The following PLEKHM2 variants were observed in gnomAD, a reference collection of about 807,000 sequenced individuals.
PLEKHM2 encodes the protein pleckstrin homology and RUN domain containing M2, also known as pleckstrin homology domain-containing family M member 2.
A neutral mutation model predicts 116.3 loss-of-function variants in PLEKHM2; 77 were observed. The observed-to-expected ratio is 0.66, with a 90% CI of 0.55 to 0.80. The LOEUF (loss-of-function observed/expected upper bound fraction) is 0.80. Ranked by LOEUF, PLEKHM2 falls within the 30% of genes least tolerant of loss-of-function variation. PLEKHM2 has a pLI of 0.00. For missense variants in PLEKHM2, 1,183 were observed against 1,354.9 expected (o/e 0.87, Z 1.99); for synonymous variants, 562 against 571.0 (o/e 0.98, Z 0.22).
At position 15,728,951 on chromosome 1, in the gene PLEKHM2, C is replaced by A; in HGVS notation, c.1987-151C>A. 1.2e-6 allele frequency: 1 copy of A among 802,764 alleles called. No homozygotes were observed. Among genetic ancestry groups the A allele is most frequent in the Non-Finnish European group, 2.0e-6 (1 of 489,904 alleles). 49.7% of individuals were successfully genotyped at this position (802,764 alleles called of 1,614,324 possible). A position where few individuals can be genotyped will look rare whatever the true frequency, so the allele number is the denominator to read the frequency against. On this transcript the variant is annotated intron_variant, in intron 12 of 19. Coordinates refer to ENST00000375799, the MANE Select transcript of PLEKHM2 (RefSeq NM_015164.4). This position sits in a 1 kb window ranked among gnomAD's most constrained non-coding sequence, Gnocchi z 5.9. Reference sequence around the variant, plus strand: ...TAGACTTCTGACCGTCCCTCCCTCACTCATGCCAGCCCCTGGCCTCTGGGG... The same window carrying A: ...TAGACTTCTGACCGTCCCTCCCTCAATCATGCCAGCCCCTGGCCTCTGGGG...
intron 1 of PLEKHM2, 30 bp from the exon 2 acceptor site, chr1:15,716,207 C>G: frequency 8.4e-6 from 11 of 1,313,532 alleles, no homozygotes; most frequent in Non-Finnish European, 1.2e-5. Context: ...TAATCCATTT[C>G]TGATTTGGAG....
intron 1 of PLEKHM2, among the ~76,000 whole-genome samples, chr1:15,698,549 CTTTT>C (rs564918055): frequency 9.0e-5 from 10 of 111,206 alleles, no homozygotes; most frequent in Non-Finnish European, 1.4e-4. Flanking sequence ...TTCTTTCTTT[CTTTT>C]TTTTTTTTTT....
intron 1 of PLEKHM2, among the ~76,000 whole-genome samples, chr1:15,704,934 T>C (rs1641191453): frequency 1.3e-5 from 2 of 152,186 alleles, no homozygotes; most frequent in African/African-American, 4.8e-5. Flanking sequence ...AGTGTTACAG[T>C]GCTGCTTCTT....
intron 16 of PLEKHM2, 99 bp from the exon 17 acceptor site, chr1:15,731,790 G>A: frequency 2.0e-6 from 2 of 1,023,410 alleles, no homozygotes. Context: ...AGACGGTGGG[G>A]CAGACCCTGT....
intron 1 of PLEKHM2, among the ~76,000 whole-genome samples, chr1:15,691,735 C>A (rs944280683): frequency 6.6e-6 from 1 of 152,192 alleles, no homozygotes; most frequent in South Asian, 2.1e-4. Flanking sequence ...GAAAAGGCTG[C>A]CTTGCATGGT....
At chr1:15,688,528 TGTA>T (rs1013086307) in intron 1 of PLEKHM2, among the ~76,000 whole-genome samples, 3 of 151,878 alleles carry the variant, frequency 2.0e-5, no homozygotes, top group Non-Finnish European at 4.4e-5. Flanking sequence ...GGCGCGTGCC[TGTA>T]GTCCCAGCTA....
At chr1:15,699,092 A>G (rs370647545) in intron 1 of PLEKHM2, among the ~76,000 whole-genome samples, 8 of 152,126 alleles carry the variant, frequency 5.3e-5, no homozygotes, top group Admixed American at 4.6e-4. Context: ...TAGGAGGCCA[A>G]GGCAGGAGGA....
At chr1:15,726,140 G>T (rs757819956) in intron 8 of PLEKHM2, among the ~76,000 whole-genome samples, 1 of 152,208 alleles carries the variant, frequency 6.6e-6, no homozygotes, top group Admixed American at 6.5e-5. Context: ...GGCGTTTGCT[G>T]GGTCTGCCTA....
intron 6 of PLEKHM2, 103 bp downstream of exon 6, chr1:15,720,023 T>C: frequency 1.0e-6 from 1 of 959,334 alleles, no homozygotes. Context: ...TTTGGTCTGG[T>C]GGCTGAAATT....
rs1323128668 is a variant in PLEKHM2, at chr1:15,729,589, A to T, written c.2076-208A>T. ...TGTCAAAATCCAAGGCCCCTTGGCC[A>T]TTGAGAACGATCAGGCCTGTTCCAG... On this transcript the variant is annotated intron_variant, in intron 13 of 19. Transcript: ENST00000375799. This position sits in a 1 kb window ranked among gnomAD's most constrained non-coding sequence, Gnocchi z 4.7. Among the ~76,000 whole-genome samples, 3 of 152,050 alleles carry T rather than the reference A, an allele frequency of 2.0e-5. No homozygotes were observed. In the East Asian group the frequency reaches 5.8e-4, roughly 29 times the overall value.
At chr1:15,686,648 A>ATTTTTT (rs1233033159) in intron 1 of PLEKHM2, among the ~76,000 whole-genome samples, 3 of 134,196 alleles carry the variant, frequency 2.2e-5, no homozygotes, top group African/African-American at 8.9e-5. Context: ...ACCCGGCTAA[A>ATTTTTT]TTTTTTTTTT....
At chr1:15,731,480 C>A (rs2068142577) in intron 16 of PLEKHM2, among the ~76,000 whole-genome samples, 1 of 152,154 alleles carries the variant, frequency 6.6e-6, no homozygotes, top group African/African-American at 2.4e-5. Flanking sequence ...CAGGTCCAGT[C>A]TGATGGGGGA....
intron 14 of PLEKHM2, 79 bp downstream of exon 14, chr1:15,730,008 T>G: frequency 1.1e-6 from 1 of 926,262 alleles, no homozygotes; most frequent in Non-Finnish European, 1.5e-6. Flanking sequence ...CGTTAAGGGA[T>G]GCACGTGGAT....
chr1:15,711,847 G>A lies in PLEKHM2; in HGVS notation c.61-4390G>A, dbSNP rs535735771. ...AAAGAGCTGTAACATGGCTGGGCGC[G>A]GTGGCTCACGCCTGTAATCCCAGCA... is the stretch of plus-strand genomic sequence containing the variant. On this transcript the variant is annotated intron_variant, in intron 1 of 19. Coordinates refer to ENST00000375799, the MANE Select transcript of PLEKHM2 (RefSeq NM_015164.4). Among the ~76,000 whole-genome samples, 156 of 152,090 alleles carry A rather than the reference G, an allele frequency of 1.0e-3. 1 individual carries two copies. The highest frequency in any genetic ancestry group is 7.2e-3 in the South Asian group (35 of 4,828).
At chr1:15,694,376 C>A (rs1571022472) in intron 1 of PLEKHM2, among the ~76,000 whole-genome samples, 1 of 151,648 alleles carries the variant, frequency 6.6e-6, no homozygotes. Context: ...AACAAACAAA[C>A]AAACAAAAAA....
Position 15,727,330 on chromosome 1 carries a change from C to A in PLEKHM2, c.1258C>A (p.Gln420Lys). ...LSKVIDQLNG[Q>K]LDPSTWCSRA... ...CAAGGTTATCGACCAGCTCAACGGGCAGCTGGACCCCAGCACCTGGTGCTC... is the reference window on the plus strand; with the variant it reads ...CAAGGTTATCGACCAGCTCAACGGGAAGCTGGACCCCAGCACCTGGTGCTC... The change falls in exon 9 of 20, where the codon CAG (glutamine) becomes AAG (lysine). Residue 420 changes from glutamine to lysine, a missense_variant. This residue lies in a region of PLEKHM2 where 372 missense variants were observed against 357.2 expected (regional missense o/e 1.04). Coordinates refer to ENST00000375799, the MANE Select transcript of PLEKHM2 (RefSeq NM_015164.4). This position sits in a 1 kb window ranked among gnomAD's most constrained non-coding sequence, Gnocchi z 7.5. The A allele has an allele frequency of 6.3e-7, 1 of 1,597,494 alleles. No homozygotes were observed. Among genetic ancestry groups the A allele is most frequent in the Non-Finnish European group, 8.5e-7 (1 of 1,172,900 alleles).
At chr1:15,726,911 C>T in intron 8 of PLEKHM2, 103 bp from the exon 9 acceptor site, 1 of 718,256 alleles carries the variant, frequency 1.4e-6, no homozygotes, top group East Asian at 2.8e-5. Flanking sequence ...CTAGCTGTGC[C>T]CTCAGAGGCT....
Position 15,726,415 on chromosome 1 carries a change from G to T in PLEKHM2, c.942-599G>T, listed in dbSNP as rs149303633. Among the ~76,000 whole-genome samples the T allele has an allele frequency of 3.8e-3, 581 of 152,296 alleles. 4 individuals are homozygous for T. Among genetic ancestry groups the T allele is most frequent in the African/African-American group, 0.011 (442 of 41,556 alleles). On this transcript the variant is annotated intron_variant, in intron 8 of 19. Coordinates refer to ENST00000375799, the MANE Select transcript of PLEKHM2 (RefSeq NM_015164.4). Reference sequence around the variant, plus strand: ...GACTGCCCAGGCTTGCTGGCCTGAGGCGGGGGATTGCTCCCCAGTGACTGG... The same window carrying T: ...GACTGCCCAGGCTTGCTGGCCTGAGTCGGGGGATTGCTCCCCAGTGACTGG...
rs1424085999 is a variant in PLEKHM2, at chr1:15,719,861, A to ACTCCGTCAC, written c.598_606dup (p.Val200_Ser202dup). 6.2e-7 allele frequency: 1 copy of ACTCCGTCAC among 1,612,938 alleles called. No homozygotes were observed. Among genetic ancestry groups the ACTCCGTCAC allele is most frequent in the Admixed American group, 1.7e-5 (1 of 59,882 alleles). ...GACAGTCTGTCCCTCAACTCTTTCA[A>ACTCCGTCAC]CTCCGTCACCTCCACCAACCTGGAG... On this transcript the variant is annotated inframe_insertion, in exon 6 of 20. Transcript: ENST00000375799. The surrounding 1 kb of genome is among the most constrained non-coding windows in gnomAD (Gnocchi z 4.1).
Sources: gnomAD v4.1 joint callset for allele counts (sites outside exome capture counted in the v4.1 genomes callset) on GRCh38, gnomAD v4.1.1 for gene constraint, gnomAD v4.1.1 regional missense constraint, Gnocchi (gnomAD v3.1) non-coding constraint, MANE v1.5 for transcripts, NCBI Gene and HGNC (gene_info 2026-07-23, HGNC 2026-07-21) for gene names.